TBC1D4: variants seen among roughly 807,000 people sequenced by gnomAD.
The protein encoded by TBC1D4 is TBC1 domain family member 4.
A neutral mutation model predicts 142.5 loss-of-function variants in TBC1D4; 121 were observed. The ratio of observed to expected loss-of-function variants is 0.85; its 90% CI spans 0.73 to 0.99. The LOEUF (loss-of-function observed/expected upper bound fraction) is 0.99, where lower values mean the gene tolerates loss of function less well. Among genes scored for constraint, TBC1D4 ranks in the 50% least tolerant of loss-of-function variants. The pLI is 0.00. For synonymous variants in TBC1D4, 630 were observed against 628.2 expected (o/e 1.00, Z -0.04); for missense variants, 1,475 against 1,606.6 (o/e 0.92, Z 1.40).
At position 75,400,376 on chromosome 13, in the gene TBC1D4, A is replaced by C. The variant is rs76720908; in HGVS notation, c.499-37769T>G. Among the ~76,000 whole-genome samples, 1,622 of 151,384 alleles carry C rather than the reference A, an allele frequency of 0.011. 93 individuals carry two copies. The East Asian group carries it at 0.18, about 17-fold the overall frequency. On this transcript the variant is annotated intron_variant, in intron 1 of 20. Transcript: ENST00000377636. ...TAATATACCCATTCACCCATTTACC[A>C]CCGCCACTACTTCCAATACACCCCA...
intron 1 of TBC1D4, among the ~76,000 whole-genome samples, chr13:75,480,060 A>G (rs1888774382): frequency 6.6e-6 from 1 of 152,160 alleles, no homozygotes; most frequent in Non-Finnish European, 1.5e-5. Context: ...TTTCAAAGTA[A>G]CTGATGAAAT....
chr13:75,449,532 A>AACACAC (rs34025489), intron 1 of TBC1D4, among the ~76,000 whole-genome samples: 26,147 of 149,140 alleles, frequency 0.18, 2,362 homozygotes, highest in Admixed American at 0.22. Context: ...GTGAAACTGC[A>AACACAC]ACACACACAC....
chr13:75,451,717 A>G (rs559269754), intron 1 of TBC1D4, among the ~76,000 whole-genome samples: 23 of 149,418 alleles, frequency 1.5e-4, no homozygotes, highest in South Asian at 2.1e-4. Context: ...GTATATTTAT[A>G]TGTGCTCTAT....
chr13:75,388,748 T>A (rs1884315295), intron 1 of TBC1D4, among the ~76,000 whole-genome samples: 1 of 152,158 alleles, frequency 6.6e-6, no homozygotes, highest in South Asian at 2.1e-4. Context: ...AACCCCAGAG[T>A]TCTTCAAACC....
chr13:75,304,271 G>T (rs1191190343), intron 15 of TBC1D4, among the ~76,000 whole-genome samples: 1 of 152,182 alleles, frequency 6.6e-6, no homozygotes, highest in Non-Finnish European at 1.5e-5. Context: ...AATAATAAAT[G>T]TACAAAAAGC....
chr13:75,322,338 T>C (rs35525557), intron 11 of TBC1D4, among the ~76,000 whole-genome samples: 6,041 of 152,270 alleles, frequency 0.04, 178 homozygotes, highest in Non-Finnish European at 0.059. Flanking sequence ...AAGTTTGCCA[T>C]ATATTTCAAT....
At chr13:75,307,687 A>C (rs949606999) in intron 14 of TBC1D4, among the ~76,000 whole-genome samples, 1 of 152,244 alleles carries the variant, frequency 6.6e-6, no homozygotes, top group Non-Finnish European at 1.5e-5. Context: ...CAAAAGACTT[A>C]AAATATCTTA....
chr13:75,300,409 GA>G (rs1352699943), intron 16 of TBC1D4, among the ~76,000 whole-genome samples: 3 of 152,094 alleles, frequency 2.0e-5, no homozygotes, highest in Non-Finnish European at 4.4e-5. Context: ...CCACAAAAAT[GA>G]AGGGGGATGT....
At chr13:75,444,540 T>C (rs1887192939) in intron 1 of TBC1D4, among the ~76,000 whole-genome samples, 1 of 152,232 alleles carries the variant, frequency 6.6e-6, no homozygotes, top group African/African-American at 2.4e-5. Flanking sequence ...TTTCACATTA[T>C]AAATAAGACA....
At chr13:75,350,191 G>A (rs913709523) in intron 4 of TBC1D4, among the ~76,000 whole-genome samples, 1 of 152,170 alleles carries the variant, frequency 6.6e-6, no homozygotes, top group Non-Finnish European at 1.5e-5. Flanking sequence ...CAGAGACATT[G>A]AGCACTAAGG....
intron 1 of TBC1D4, among the ~76,000 whole-genome samples, chr13:75,385,147 C>A (rs906165525): frequency 2.0e-5 from 3 of 152,178 alleles, no homozygotes; most frequent in African/African-American, 7.2e-5. Context: ...TTCCCAAAGG[C>A]ACCCTAACCC....
chr13:75,362,116 G>C lies in TBC1D4; in HGVS notation c.990C>G (p.Ser330Arg). Residue 330 changes from serine (S) to arginine (R), a missense_variant, in exon 2 of 21, where the codon AGC becomes AGG. Around this residue, in one of 2 missense-constraint regions of TBC1D4, gnomAD observed 1,227 missense variants for 1,267.7 expected, o/e 0.97. Coordinates refer to ENST00000377636, the MANE Select transcript of TBC1D4 (RefSeq NM_014832.5). This position sits in a 1 kb window ranked among gnomAD's most constrained non-coding sequence, Gnocchi z 4.2. ...GTCTCCGTCGCGGCTGGGATTTCTG[G>C]CTGCCCTCGTGAACTCTCCGTTGCA... ...TGVQRRVHEG[S>R]QKSQPRRRHA... 1 of 1,613,908 alleles carries C rather than the reference G, an allele frequency of 6.2e-7. No homozygotes were observed. The highest frequency in any genetic ancestry group is 1.1e-5 in the South Asian group (1 of 91,066).
chr13:75,357,388 C>T (rs1283090019), intron 3 of TBC1D4, among the ~76,000 whole-genome samples: 1 of 152,148 alleles, frequency 6.6e-6, no homozygotes, highest in African/African-American at 2.4e-5. Flanking sequence ...CTACCAGCCC[C>T]CCATATGACC....
chr13:75,305,471 T>TCA (rs1877087808), intron 15 of TBC1D4, among the ~76,000 whole-genome samples: 1 of 152,202 alleles, frequency 6.6e-6, no homozygotes, highest in Non-Finnish European at 1.5e-5. Flanking sequence ...AATAAAGCAT[T>TCA]CAGTAAAAAT....
At chr13:75,359,921 C>A (rs1882363702) in intron 2 of TBC1D4, 63 bp from the exon 3 acceptor site, 5 of 1,293,542 alleles carry the variant, frequency 3.9e-6, no homozygotes, top group Middle Eastern at 3.9e-4. Flanking sequence ...TACTTTATAA[C>A]CAAATATTAA....
chr13:75,421,688 A>T (rs1381189128), intron 1 of TBC1D4, among the ~76,000 whole-genome samples: 1 of 152,232 alleles, frequency 6.6e-6, no homozygotes, highest in East Asian at 1.9e-4. Context: ...CTTCTCTATT[A>T]TGTTTATAAG....
chr13:75,325,053 G>T (rs1257362181), intron 10 of TBC1D4, among the ~76,000 whole-genome samples: 1 of 152,066 alleles, frequency 6.6e-6, no homozygotes, highest in African/African-American at 2.4e-5. Flanking sequence ...ATAAAATGTG[G>T]AAAACAGAGG....
intron 8 of TBC1D4, among the ~76,000 whole-genome samples, chr13:75,330,045 A>G (rs1052178518): frequency 7.9e-5 from 12 of 152,240 alleles, no homozygotes; most frequent in African/African-American, 2.9e-4. Flanking sequence ...TAGCTCTGAG[A>G]AATTTTTAAA....
chr13:75,394,840 C>A (rs1884698626), intron 1 of TBC1D4, among the ~76,000 whole-genome samples: 1 of 151,658 alleles, frequency 6.6e-6, no homozygotes, highest in African/African-American at 2.4e-5. Context: ...TAAAGGGAAA[C>A]AACAGGAACA....
Sources: gnomAD v4.1 joint callset for allele counts (sites outside exome capture counted in the v4.1 genomes callset) on GRCh38, gnomAD v4.1.1 for gene constraint, gnomAD v4.1.1 regional missense constraint, Gnocchi (gnomAD v3.1) non-coding constraint, MANE v1.5 for transcripts, NCBI Gene and HGNC (gene_info 2026-07-23, HGNC 2026-07-21) for gene names.